SERPINB8: variants seen among roughly 807,000 people sequenced by gnomAD.
The protein encoded by SERPINB8 is serpin family B member 8, also known as serpin B8.
A neutral mutation model predicts 35.3 loss-of-function variants in SERPINB8; 25 were observed. The ratio of observed to expected loss-of-function variants is 0.71; its 90% CI spans 0.52 to 0.99. The LOEUF (loss-of-function observed/expected upper bound fraction) is 0.99. SERPINB8 is among the 50% of genes least tolerant of loss of function. The pLI, the probability that SERPINB8 is intolerant of heterozygous loss-of-function variation, is 0.00. For synonymous variants in SERPINB8, 186 were observed against 160.8 expected (o/e 1.16, Z -1.19); for missense variants, 484 against 446.5 (o/e 1.08, Z -0.76).
intron 1 of SERPINB8, among the ~76,000 whole-genome samples, chr18:63,995,940 C>T (rs2050847005): frequency 6.6e-6 from 1 of 152,036 alleles, no homozygotes; most frequent in Admixed American, 6.6e-5. Flanking sequence ...TGTGGGGAAA[C>T]AGGAATTAGG....
chr18:64,010,495 A>C (rs968640389), downstream of SERPINB8, among the ~76,000 whole-genome samples: 9 of 152,186 alleles, frequency 5.9e-5, no homozygotes, highest in African/African-American at 2.2e-4. Flanking sequence ...CAAAGGAACA[A>C]ATGATATTGC....
chr18:63,981,826 G>A lies in SERPINB8; in HGVS notation c.412G>A (p.Glu138Lys). ...CRKHINDWVA[E>K]KTEGKISEVL... ...GAAGCATATAAATGACTGGGTGGCAGAGAAGACTGAAGGTGAGACAGTTTC... is the reference window on the plus strand; with the variant it reads ...GAAGCATATAAATGACTGGGTGGCAAAGAAGACTGAAGGTGAGACAGTTTC... The change falls in exon 4 of 7, where the codon GAG (glutamate) becomes AAG (lysine). Residue 138 changes from glutamate (E) to lysine (K), a missense_variant. By Grantham distance (56) the Glu-to-Lys change is moderately conservative. Transcript: ENST00000397985. The A allele has an allele frequency of 6.2e-7, 1 of 1,607,926 alleles. No homozygotes were observed. Among genetic ancestry groups the A allele is most frequent in the South Asian group, 1.1e-5 (1 of 90,800 alleles).
chr18:64,010,147 GATAAA>G (rs1568082247), downstream of SERPINB8, among the ~76,000 whole-genome samples: 1 of 151,786 alleles, frequency 6.6e-6, no homozygotes, highest in African/African-American at 2.4e-5. Context: ...CTTCACAAAA[GATAAA>G]ATAATAAAAG....
chr18:63,981,862 A>G, intron 4 of SERPINB8, 24 bp downstream of exon 4: 1 of 1,518,232 alleles, frequency 6.6e-7, no homozygotes, highest in Non-Finnish European at 9.1e-7. Context: ...ATTTCTGTTG[A>G]TTTGGAATTA....
At chr18:63,995,102 G>A (rs369047952) in intron 1 of SERPINB8, among the ~76,000 whole-genome samples, 8 of 152,290 alleles carry the variant, frequency 5.3e-5, no homozygotes, top group African/African-American at 1.9e-4. Context: ...AGACCATGGG[G>A]GGCCCAGCAG....
rs377758457 is a variant in SERPINB8, at chr18:63,972,576, T to G, written c.-11+2406T>G. ...ATAGGTATACATGAGCCATGTTGGT[T>G]TGCCGCACCCATCAACTAGTCATTT... On this transcript the variant is annotated intron_variant, in intron 1 of 6. Coordinates refer to ENST00000397985, the MANE Select transcript of SERPINB8 (RefSeq NM_002640.4). Among the ~76,000 whole-genome samples, 25 of 152,276 alleles carry G rather than the reference T, an allele frequency of 1.6e-4. No individual in the cohort carries two copies. The East Asian group carries it at 3.3e-3, about 20-fold the overall frequency.
rs2050437804 is a variant in SERPINB8, at chr18:63,970,099, G to C, written c.-82G>C. On this transcript the variant is annotated 5_prime_UTR_variant, in exon 1 of 7. Coordinates refer to ENST00000397985, the MANE Select transcript of SERPINB8 (RefSeq NM_002640.4). ...TGCCCTCAATCAAGGCGGACGTGAA[G>C]CATCTACAAAGGAGGAATAGTCAAA... 3 of 300,496 alleles carry C rather than the reference G, an allele frequency of 1.0e-5. No homozygotes were observed. Among genetic ancestry groups the C allele is most frequent in the East Asian group, 2.7e-4 (2 of 7,362 alleles). The allele number at this position is 300,496 out of a possible 1,614,324, so 18.6% of individuals were successfully genotyped here. A position where few individuals can be genotyped will look rare whatever the true frequency, so the allele number is the denominator to read the frequency against.
chr18:64,016,790 C>T (rs932689172), intron 7 of SERPINB8, among the ~76,000 whole-genome samples: 4 of 152,200 alleles, frequency 2.6e-5, no homozygotes, highest in African/African-American at 7.2e-5. Context: ...TGTGAGACCA[C>T]TGTTGAAGAG....
At chr18:63,985,270 G>T in intron 6 of SERPINB8, 25 bp downstream of exon 6, 4 of 1,612,882 alleles carry the variant, frequency 2.5e-6, no homozygotes, top group Non-Finnish European at 3.4e-6. Context: ...ATGAGCCTGA[G>T]TATCTGTGGA....
At position 63,987,435 on chromosome 18, in the gene SERPINB8, T is replaced by C; in HGVS notation, c.*157T>C. On this transcript the variant is annotated 3_prime_UTR_variant, in exon 7 of 7. Transcript: ENST00000397985. ...TCTTTGCTGAAAGTTCCAGAGCCAT[T>C]GAGAATAACTGAGGCCGCAGATGCA... is the stretch of plus-strand genomic sequence containing the variant. 1.3e-6 allele frequency: 1 copy of C among 766,338 alleles called. No individual in the cohort carries two copies. The highest frequency in any genetic ancestry group is 2.0e-6 in the Non-Finnish European group (1 of 489,502). 47.5% of individuals were successfully genotyped at this position (766,338 alleles called of 1,614,324 possible).
chr18:64,010,509 C>T (rs879880744), downstream of SERPINB8, among the ~76,000 whole-genome samples: 7 of 152,108 alleles, frequency 4.6e-5, no homozygotes, highest in African/African-American at 7.2e-5. Context: ...ATATTGCACT[C>T]ATACAGTAGA....
At chr18:64,007,156 C>T (rs1344894136), downstream of SERPINB8, among the ~76,000 whole-genome samples, 5 of 151,800 alleles carry the variant, frequency 3.3e-5, no homozygotes. Context: ...ATTATAGATG[C>T]AGCAGAGATT....
chr18:63,986,158 T>A, intron 6 of SERPINB8: 1 of 1,015,994 alleles, frequency 9.8e-7, no homozygotes, highest in South Asian at 1.5e-5. Context: ...CAATGCTCGT[T>A]GGAGAGGAGT....
At chr18:63,978,039 G>A (rs971249404) in intron 1 of SERPINB8, among the ~76,000 whole-genome samples, 3 of 152,088 alleles carry the variant, frequency 2.0e-5, no homozygotes, top group Non-Finnish European at 4.4e-5. Context: ...CTCTTTTAAG[G>A]ACGCTCGTGA....
chr18:64,004,836 A>C (rs1348442137), exon 2 of SERPINB8: 2 of 398,592 alleles, frequency 5.0e-6, no homozygotes, highest in Non-Finnish European at 8.8e-6. Flanking sequence ...TGAGAAGCAC[A>C]AGCTTCTTCT....
downstream of SERPINB8, among the ~76,000 whole-genome samples, chr18:64,007,985 T>G (rs188427314): frequency 5.3e-4 from 80 of 152,308 alleles, no homozygotes; most frequent in African/African-American, 1.9e-3. Context: ...GTTACTTAAT[T>G]TTTAATTAAT....
downstream of SERPINB8, among the ~76,000 whole-genome samples, chr18:63,990,997 G>T (rs116716183): frequency 0.014 from 2,206 of 152,224 alleles, 51 homozygotes; most frequent in African/African-American, 0.05. Flanking sequence ...CCACTGAATT[G>T]CCTTTGCATC....
At chr18:63,979,181 T>G (rs2050630381) in intron 2 of SERPINB8, among the ~76,000 whole-genome samples, 1 of 152,198 alleles carries the variant, frequency 6.6e-6, no homozygotes, top group Non-Finnish European at 1.5e-5. Context: ...TTTCAACTGA[T>G]TGGAGGAGTG....
At chr18:64,015,788 A>G (rs2144853312) in intron 7 of SERPINB8, among the ~76,000 whole-genome samples, 1 of 152,300 alleles carries the variant, frequency 6.6e-6, no homozygotes, top group Non-Finnish European at 1.5e-5. Flanking sequence ...GGGGCCTTTG[A>G]AGTTTCTCTC....
Sources: allele counts gnomAD v4.1 joint callset (sites outside exome capture counted in the v4.1 genomes callset), GRCh38; gene constraint gnomAD v4.1.1; transcripts MANE v1.5; gene names NCBI Gene and HGNC (gene_info 2026-07-23, HGNC 2026-07-21).